CHFR: variants seen among roughly 807,000 people sequenced by gnomAD.
The protein encoded by CHFR is E3 ubiquitin-protein ligase CHFR.
A neutral mutation model predicts 87.6 loss-of-function variants in CHFR; 57 were observed. The observed-to-expected ratio is 0.65, with a 90% CI of 0.53 to 0.81. The LOEUF (loss-of-function observed/expected upper bound fraction) is 0.81. CHFR is among the 30% of genes least tolerant of loss of function. CHFR has a pLI of 0.00. For missense variants in CHFR, 797 were observed against 865.8 expected, an observed-to-expected ratio of 0.92 and a Z score of 1.00; for synonymous variants, 381 against 359.2, an observed-to-expected ratio of 1.06 and a Z score of -0.69.
At position 132,856,455 on chromosome 12, in the gene CHFR, G is replaced by C. The variant is rs372386886; in HGVS notation, c.1229+13C>G. ...GCTCACACACTCTGCTCTGAGCCAG[G>C]GGCATGATTTACCTAATGTCTGAGG... On this transcript the variant is annotated intron_variant, in intron 10 of 17. Coordinates refer to ENST00000450056, the MANE Select transcript of CHFR (RefSeq NM_001161346.2). The C allele has an allele frequency of 3.1e-6, 5 of 1,613,444 alleles. No individual in the cohort carries two copies. The highest frequency in any genetic ancestry group is 4.2e-6 in the Non-Finnish European group (5 of 1,179,928).
intron 12 of CHFR, chr12:132,849,944 C>T (rs1046297962): frequency 5.3e-5 from 8 of 151,704 alleles, no homozygotes; most frequent in Admixed American, 3.9e-4. Flanking sequence ...GCTTTGTAGA[C>T]GTTATTTATT....
At position 132,853,419 on chromosome 12, in the gene CHFR, G is replaced by C. The variant is rs767325947; in HGVS notation, c.1372+12C>G. 9 of 1,510,560 alleles carry C rather than the reference G, an allele frequency of 6.0e-6. No individual in the cohort carries two copies. The highest frequency in any genetic ancestry group is 8.8e-7 in the Non-Finnish European group (1 of 1,138,512). The allele number at this position is 1,510,560 out of a possible 1,614,324, so 93.6% of individuals were successfully genotyped here. The stretch of plus-strand genomic sequence containing the variant: ...CACGCGAAGGCTGAGGCCTGAGGGC[G>C]GCGCGGCTCACCTGTCGTCAGGCTG... On this transcript the variant is annotated intron_variant, in intron 11 of 17. Transcript: ENST00000450056.
rs1950666436 is a variant in CHFR at position 132,838,697 on chromosome 12, C to A, written c.*2857G>T. 6.6e-6 allele frequency: 1 copy of A among 152,312 alleles called. No homozygotes were observed. Among genetic ancestry groups the A allele is most frequent in the Non-Finnish European group, 1.5e-5 (1 of 68,136 alleles). The allele number at this position is 152,312 out of a possible 1,614,324, so 9.4% of individuals were successfully genotyped here. On this transcript the variant is annotated 3_prime_UTR_variant, in exon 18 of 18. Transcript: ENST00000450056. ...CCTGTGGACGACCCACGCAGCCACCCCACAAGGAGAGCAGGGCTCCAAAAC... is the reference window on the plus strand; with the variant it reads ...CCTGTGGACGACCCACGCAGCCACCACACAAGGAGAGCAGGGCTCCAAAAC...
intron 15 of CHFR, among the ~76,000 whole-genome samples, chr12:132,844,786 G>A (rs919367115): frequency 0.062 from 7,200 of 115,984 alleles, no homozygotes; most frequent in Non-Finnish European, 0.11. Flanking sequence ...GTGTGCCACC[G>A]TGCCCGGCTA....
intron 15 of CHFR, among the ~76,000 whole-genome samples, chr12:132,844,726 G>A (rs867165631): frequency 8.5e-5 from 13 of 152,080 alleles, no homozygotes; most frequent in East Asian, 1.9e-4. Context: ...CACCTCCTGC[G>A]TTCAACTGAT....
intron 2 of CHFR, 27 bp from the exon 3 acceptor site, chr12:132,877,681 G>C (rs368546468): frequency 8.0e-6 from 12 of 1,493,872 alleles, no homozygotes; most frequent in Non-Finnish European, 1.1e-5. Flanking sequence ...GGGTCAACAC[G>C]GGATATGATC....
chr12:132,870,095 G>A (rs182186155), intron 5 of CHFR, among the ~76,000 whole-genome samples: 20 of 152,126 alleles, frequency 1.3e-4, no homozygotes, highest in Non-Finnish European at 2.5e-4. Flanking sequence ...GCTCATACCT[G>A]TAATCCCAGC....
In CHFR at chr12:132,872,242, C is replaced by T. The variant is rs771231844; in HGVS notation, c.343+43G>A. 6.9e-6 allele frequency: 9 copies of T among 1,298,138 alleles called. No homozygotes were observed. In the African/African-American group the frequency reaches 7.3e-5, roughly 10 times the overall value. The allele number at this position is 1,298,138 out of a possible 1,614,324, so 80.4% of individuals were successfully genotyped here. On this transcript the variant is annotated intron_variant, in intron 4 of 17. Transcript: ENST00000450056. Reference sequence around the variant, plus strand: ...CGTTCAGAGAGCGCCCTCACGTGCACCCCCGTGCGGGTCTGACCCCGGCAA... The same window carrying T: ...CGTTCAGAGAGCGCCCTCACGTGCATCCCCGTGCGGGTCTGACCCCGGCAA...
chr12:132,848,144 C>A lies in CHFR; in HGVS notation c.1588G>T (p.Gly530Cys), dbSNP rs1179840200. 6.2e-7 allele frequency: 1 copy of A among 1,614,138 alleles called. No homozygotes were observed. The highest frequency in any genetic ancestry group is 2.2e-5 in the East Asian group (1 of 44,876). The change falls in exon 14 of 18, where the codon GGT (glycine) becomes TGT (cysteine). Residue 530 changes from glycine (G) to cysteine (C), a missense_variant. Physicochemically the swap from Gly to Cys is radical, Grantham distance 159 (BLOSUM62 -3). Around this residue, in one of 2 missense-constraint regions of CHFR, gnomAD observed 200 missense variants for 264.6 expected, o/e 0.76. Transcript: ENST00000450056. ...CLAPFCELNL[G>C]DKCLDGVLNN... is the part of the protein sequence containing the mutation. The stretch of plus-strand genomic sequence containing the variant: ...AGCACGCCGTCCAGACACTTGTCAC[C>A]CAGGTTGAGCTCTGCCGAGATGAAG...
At chr12:132,850,976 T>TGC (rs2136942481) in intron 12 of CHFR, among the ~76,000 whole-genome samples, 1 of 92,120 alleles carries the variant, frequency 1.1e-5, no homozygotes, top group South Asian at 3.6e-4. Context: ...TATATATATA[T>TGC]ATATATATAT....
intron 11 of CHFR, among the ~76,000 whole-genome samples, chr12:132,852,446 C>T (rs543489645): frequency 1.0e-4 from 3 of 29,302 alleles, no homozygotes; most frequent in South Asian, 2.7e-3. Context: ...CAAGACCAAT[C>T]GATGTGGCAG....
rs560066373 is a variant in CHFR at position 132,857,559 on chromosome 12, A to G, written c.912T>C (p.Ser304=). The change falls in exon 9 of 18, where the codon AGT becomes AGC. Residue 304 remains serine (S), a splice_region_variant and synonymous_variant. Coordinates refer to ENST00000450056, the MANE Select transcript of CHFR (RefSeq NM_001161346.2). ...AGAACGTGTGCATGCAGGGCTGCAAACTGAAAGTGCAAGAGGAACAGTGTC... is the reference window on the plus strand; with the variant it reads ...AGAACGTGTGCATGCAGGGCTGCAAGCTGAAAGTGCAAGAGGAACAGTGTC... ...ICQDLLHDCV[S]LQPCMHTFCA... is the part of the protein sequence containing the mutation. 1.5e-4 allele frequency: 248 copies of G among 1,613,604 alleles called. 1 individual carries two copies. In the South Asian group the frequency reaches 2.5e-3, roughly 16 times the overall value.
intron 8 of CHFR, among the ~76,000 whole-genome samples, chr12:132,857,965 T>G (rs564653010): frequency 6.6e-6 from 1 of 152,260 alleles, no homozygotes; most frequent in East Asian, 1.9e-4. Flanking sequence ...GTTTGCAGAG[T>G]TCACGGGGTC....
intron 2 of CHFR, among the ~76,000 whole-genome samples, chr12:132,879,217 G>C (rs554695971): frequency 4.0e-4 from 60 of 151,874 alleles, no homozygotes; most frequent in African/African-American, 1.1e-3. Flanking sequence ...TGCTGGTCTT[G>C]AACTCCTGAC....
intron 2 of CHFR, among the ~76,000 whole-genome samples, chr12:132,885,683 A>C (rs1048210041): frequency 5.3e-5 from 8 of 152,202 alleles, no homozygotes; most frequent in African/African-American, 1.7e-4. Context: ...GCTAATGCTA[A>C]GTGCTAACGC....
chr12:132,851,046 A>G (rs949203663), intron 12 of CHFR, among the ~76,000 whole-genome samples: 1 of 151,008 alleles, frequency 6.6e-6, no homozygotes, highest in Non-Finnish European at 1.5e-5. Context: ...GCTGGAGTAC[A>G]GTGGCACGAT....
At chr12:132,871,424 C>T (rs2137022646) in intron 4 of CHFR, among the ~76,000 whole-genome samples, 1 of 151,230 alleles carries the variant, frequency 6.6e-6, no homozygotes, top group African/African-American at 2.4e-5. Flanking sequence ...TGCACTCCAG[C>T]CTCCGCAACA....
At chr12:132,868,307 G>A (rs779016496) in intron 6 of CHFR, among the ~76,000 whole-genome samples, 17 of 152,122 alleles carry the variant, frequency 1.1e-4, no homozygotes, top group Non-Finnish European at 2.5e-4. Flanking sequence ...TGGCTAACAC[G>A]GTGAAACTCC....
chr12:132,859,907 T>C (rs1030862883), intron 7 of CHFR, among the ~76,000 whole-genome samples: 3 of 151,994 alleles, frequency 2.0e-5, no homozygotes, highest in South Asian at 2.1e-4. Context: ...TAGCCAGCTA[T>C]GGTAGCGTGC....
Sources: allele counts gnomAD v4.1 joint callset (sites outside exome capture counted in the v4.1 genomes callset), GRCh38; gene constraint gnomAD v4.1.1; regional missense constraint gnomAD v4.1.1; transcripts MANE v1.5; gene names NCBI Gene and HGNC (gene_info 2026-07-23, HGNC 2026-07-21).